SLIT2: variants seen among roughly 807,000 people sequenced by gnomAD.
SLIT2 encodes the protein slit homolog 2 protein.
A neutral mutation model predicts 185.7 loss-of-function variants in SLIT2; 41 were observed. That is an observed-to-expected ratio of 0.22 (90% CI 0.17 to 0.29). SLIT2 has a LOEUF of 0.29. Among genes scored for constraint, SLIT2 ranks in the 10% least tolerant of loss-of-function variants. The pLI is 1.00. For missense variants in SLIT2, 1,571 were observed against 1,909.0 expected, an observed-to-expected ratio of 0.82 and a Z score of 3.30; for synonymous variants, 693 against 680.2, an observed-to-expected ratio of 1.02 and a Z score of -0.29.
chr4:20,441,426 T>C (rs1439082968), intron 4 of SLIT2, among the ~76,000 whole-genome samples: 1 of 151,896 alleles, frequency 6.6e-6, no homozygotes, highest in African/African-American at 2.4e-5. Flanking sequence ...TTGCCCCCAG[T>C]GTGGATTTGC....
At chr4:20,481,697 A>G (rs542253952) in intron 6 of SLIT2, among the ~76,000 whole-genome samples, 1 of 152,226 alleles carries the variant, frequency 6.6e-6, no homozygotes, top group South Asian at 2.1e-4. Context: ...ACAAAAAAGG[A>G]ATTCATTACT....
chr4:20,345,143 G>A (rs995893115), intron 4 of SLIT2, among the ~76,000 whole-genome samples: 3 of 152,154 alleles, frequency 2.0e-5, no homozygotes, highest in Non-Finnish European at 2.9e-5. Flanking sequence ...TTTTAAGTTT[G>A]CATCCTATGA....
intron 4 of SLIT2, among the ~76,000 whole-genome samples, chr4:20,398,867 A>G (rs1057123030): frequency 1.3e-5 from 2 of 151,796 alleles, no homozygotes; most frequent in East Asian, 1.9e-4. Flanking sequence ...AATAATGTCT[A>G]TCCTTTCGAC....
intron 4 of SLIT2, among the ~76,000 whole-genome samples, chr4:20,413,091 G>C (rs141384591): frequency 2.6e-5 from 4 of 152,158 alleles, no homozygotes; most frequent in African/African-American, 9.6e-5. Flanking sequence ...TAAATATCCT[G>C]ATTCATGAAA....
intron 9 of SLIT2, among the ~76,000 whole-genome samples, chr4:20,505,407 C>A (rs1438015577): frequency 6.6e-6 from 1 of 151,968 alleles, no homozygotes; most frequent in Non-Finnish European, 1.5e-5. Flanking sequence ...TTGAGGAGGG[C>A]TATTGAAGAT....
chr4:20,342,716 A>ACTT lies in SLIT2; in HGVS notation c.395+73836_395+73838dup, dbSNP rs1443699368. ...GATTCTGCCATTCATCGACTATCGC[A>ACTT]CTTTTTTTTTTTTTTTTTTTTTTTT... On this transcript the variant is annotated intron_variant, in intron 4 of 36. Transcript: ENST00000504154. Among the ~76,000 whole-genome samples, 71 of 68,414 alleles carry ACTT rather than the reference A, an allele frequency of 1.0e-3. 3 individuals are homozygous for ACTT. The highest frequency in any genetic ancestry group is 4.2e-3 in the African/African-American group (69 of 16,358). The allele number at this position is 68,414 out of a possible 152,430, so 44.9% of individuals were successfully genotyped here.
At chr4:20,561,678 A>G (rs547209808) in intron 26 of SLIT2, among the ~76,000 whole-genome samples, 1 of 151,758 alleles carries the variant, frequency 6.6e-6, no homozygotes, top group East Asian at 1.9e-4. Context: ...ACATTTTCAG[A>G]TTTAGTATTA....
At chr4:20,576,935 C>A (rs951304121) in intron 29 of SLIT2, among the ~76,000 whole-genome samples, 8 of 151,158 alleles carry the variant, frequency 5.3e-5, no homozygotes, top group African/African-American at 2.4e-5. Context: ...TAAGGAAATG[C>A]TGAAAAACAC....
At chr4:20,325,643 A>T (rs1719513645) in intron 4 of SLIT2, among the ~76,000 whole-genome samples, 1 of 152,156 alleles carries the variant, frequency 6.6e-6, no homozygotes, top group African/African-American at 2.4e-5. Flanking sequence ...TATAAGTATG[A>T]TAAAATATTT....
At chr4:20,470,112 A>G (rs1364524003) in intron 5 of SLIT2, among the ~76,000 whole-genome samples, 5 of 152,060 alleles carry the variant, frequency 3.3e-5, no homozygotes, top group African/African-American at 9.7e-5. Flanking sequence ...GTTATTAGGG[A>G]AAGAAGATGT....
rs12506323 is a variant in SLIT2 at position 20,567,631 on chromosome 4, A to G, written c.2948+16A>G. 462,665 of 1,574,510 alleles carry G rather than the reference A, an allele frequency of 0.29. 71,764 individuals are homozygous for G. The highest frequency in any genetic ancestry group is 0.32 in the Non-Finnish European group (369,059 of 1,144,464). ...ATGGATTCTGGTAGGTCATTAGTCT[A>G]TGACCATCTGTGTCTGAAGTATTGG... On this transcript the variant is annotated intron_variant, in intron 28 of 36. Coordinates refer to ENST00000504154, the MANE Select transcript of SLIT2 (RefSeq NM_004787.4).
At chr4:20,557,809 T>G (rs1724387386) in intron 26 of SLIT2, among the ~76,000 whole-genome samples, 1 of 151,978 alleles carries the variant, frequency 6.6e-6, no homozygotes, top group South Asian at 2.1e-4. Context: ...TTAAGAACAT[T>G]TGTGATTCAT....
intron 4 of SLIT2, among the ~76,000 whole-genome samples, chr4:20,454,160 C>T (rs1712785947): frequency 6.6e-6 from 1 of 152,170 alleles, no homozygotes. Flanking sequence ...TCAAACCTCT[C>T]CCCAGTCTTC....
intron 5 of SLIT2, among the ~76,000 whole-genome samples, chr4:20,474,950 A>G (rs1236987911): frequency 6.6e-6 from 1 of 151,918 alleles, no homozygotes. Context: ...ATAGTATACT[A>G]GATACAGAAA....
intron 4 of SLIT2, among the ~76,000 whole-genome samples, chr4:20,431,999 C>CTGTG (rs1244399710): frequency 7.5e-6 from 1 of 133,046 alleles, no homozygotes; most frequent in African/African-American, 2.7e-5. Context: ...ATCTCTCACT[C>CTGTG]TCTGTGTGTG....
intron 4 of SLIT2, among the ~76,000 whole-genome samples, chr4:20,270,880 C>CTGA (rs1393367641): frequency 1.3e-5 from 2 of 151,954 alleles, no homozygotes; most frequent in Non-Finnish European, 2.9e-5. Context: ...GGAACTGTTG[C>CTGA]TTCATCTGAA....
intron 4 of SLIT2, among the ~76,000 whole-genome samples, chr4:20,353,875 A>G (rs1417067324): frequency 1.3e-5 from 2 of 152,194 alleles, no homozygotes; most frequent in Non-Finnish European, 2.9e-5. Context: ...AATAAACTTT[A>G]GGTTATTCTA....
intron 11 of SLIT2, among the ~76,000 whole-genome samples, chr4:20,514,083 G>T (rs1434088588): frequency 6.6e-6 from 1 of 152,148 alleles, no homozygotes; most frequent in African/African-American, 2.4e-5. Flanking sequence ...GTGACCAGGA[G>T]TTAAAATCTT....
chr4:20,518,633 C>G (rs553037112), intron 11 of SLIT2, among the ~76,000 whole-genome samples: 77 of 73,634 alleles, frequency 1.0e-3, no homozygotes, highest in Middle Eastern at 0.036. Flanking sequence ...GAGACGGAGT[C>G]TCGCTCTGTC....
Sources: gnomAD v4.1 joint callset for allele counts (sites outside exome capture counted in the v4.1 genomes callset) on GRCh38, gnomAD v4.1.1 for gene constraint, MANE v1.5 for transcripts, NCBI Gene and HGNC (gene_info 2026-07-23, HGNC 2026-07-21) for gene names.